ABCA8: variants seen among roughly 807,000 people sequenced by gnomAD.
The protein encoded by ABCA8 is ATP binding cassette subfamily A member 8, also known as ABC-type organic anion transporter ABCA8.
ABCA8 carries 177 observed loss-of-function variants against 192.3 expected under a neutral mutation model. The ratio of observed to expected loss-of-function variants is 0.92; its 90% CI spans 0.81 to 1.04. The LOEUF (loss-of-function observed/expected upper bound fraction) is 1.04. Ranked by LOEUF, ABCA8 falls within the 50% of genes least tolerant of loss-of-function variation. The pLI is 0.00. For missense variants in ABCA8, 1,915 were observed against 1,904.8 expected (o/e 1.01, Z -0.10); for synonymous variants, 642 against 690.2 (o/e 0.93, Z 1.09).
rs369130116 is a variant in ABCA8, at chr17:68,894,976, G to A, written c.2802C>T (p.His934=). 2.1e-5 allele frequency: 34 copies of A among 1,613,316 alleles called. No homozygotes were observed. Among genetic ancestry groups the A allele is most frequent in the African/African-American group, 2.7e-5 (2 of 74,830 alleles). Residue 934 remains histidine, a synonymous_variant, in exon 22 of 40, where the codon CAC becomes CAT. Coordinates refer to ENST00000586539, the MANE Select transcript of ABCA8 (RefSeq NM_001288985.2). ...SIDDFIQSVE[H]QNIALEVDAF... is the part of the protein sequence containing the mutation. Reference sequence around the variant, plus strand: ...CATCCACTTCTAAAGCTATGTTCTGGTGCTCCACAGACTGTATAAAGTCAT... The same window carrying A: ...CATCCACTTCTAAAGCTATGTTCTGATGCTCCACAGACTGTATAAAGTCAT...
intron 24 of ABCA8, 99 bp downstream of exon 24, chr17:68,891,390 T>G (rs1598208276): frequency 2.6e-6 from 2 of 766,288 alleles, no homozygotes. Context: ...GAATTGGCTG[T>G]TCAATTAAGC....
rs559149490 is a variant in ABCA8 at position 68,907,934 on chromosome 17, G to T, written c.2139-55C>A. The T allele has an allele frequency of 6.2e-6, 9 of 1,453,248 alleles. 1 individual carries two copies. The African/African-American group carries it at 1.2e-4, about 19-fold the overall frequency. 90.0% of individuals were successfully genotyped at this position (1,453,248 alleles called of 1,614,324 possible). ...ATGTTACTCGACATAGTCTCCAATA[G>T]CAAGAAAATAATTAACTAGTCTCTA... On this transcript the variant is annotated intron_variant, in intron 17 of 39. Transcript: ENST00000586539.
In ABCA8 at chr17:68,887,520, A is replaced by G. The variant is rs201168458; in HGVS notation, c.3145-14T>C. 3,027 of 1,579,250 alleles carry G rather than the reference A, an allele frequency of 1.9e-3. 5 individuals carry two copies. Among genetic ancestry groups the G allele is most frequent in the Non-Finnish European group, 2.3e-3 (2,669 of 1,166,016 alleles). ...CCGAGCTCTGTTCTAATTAGGAGAC[A>G]GCAAAGATACAAAGTTTGTGGCTTA... is the stretch of plus-strand genomic sequence containing the variant. On this transcript the variant is annotated splice_polypyrimidine_tract_variant and intron_variant, in intron 24 of 39. Transcript: ENST00000586539.
At chr17:68,922,040 A>G (rs1003554445) in intron 12 of ABCA8, among the ~76,000 whole-genome samples, 10 of 151,954 alleles carry the variant, frequency 6.6e-5, no homozygotes, top group African/African-American at 2.4e-4. Flanking sequence ...TAACTTTTAT[A>G]AAGTAGAAGC....
In ABCA8 at chr17:68,940,799, T is replaced by G. The variant is rs2068203759; in HGVS notation, c.260A>C (p.Gln87Pro). The G allele has an allele frequency of 1.9e-5, 30 of 1,613,582 alleles. No homozygotes were observed. The highest frequency in any genetic ancestry group is 2.5e-5 in the Non-Finnish European group (29 of 1,179,584). Residue 87 changes from glutamine to proline, a missense_variant, in exon 4 of 40, where the codon CAA becomes CCA. By Grantham distance (76) the Gln-to-Pro change is moderately conservative (BLOSUM62 -1). Transcript: ENST00000586539. Reference protein sequence around the residue: ...VVYTPVTNTTQQIMNKVASTP... With the variant: ...VVYTPVTNTTPQIMNKVASTP... ...AGAGGCTACTTTATTCATTATCTGT[T>G]GGGTCGTGTTGGTGACAGGTGTGTA...
At position 68,894,999 on chromosome 17, in the gene ABCA8, C is replaced by A; in HGVS notation, c.2779G>T (p.Asp927Tyr). The change falls in exon 22 of 40, where the codon GAC becomes TAC. Residue 927 changes from aspartate (D) to tyrosine (Y), a missense_variant. Asp to Tyr is a radical substitution (Grantham distance 160). Transcript: ENST00000586539. ...IINKTGASIDDFIQSVEHQNI... is the reference protein window; with the variant it reads ...IINKTGASIDYFIQSVEHQNI... ...TGGTGCTCCACAGACTGTATAAAGT[C>A]ATCAATGCTTGCCCCTAAGGTGTAG... 1.2e-6 allele frequency: 2 copies of A among 1,607,892 alleles called. No individual in the cohort carries two copies. The highest frequency in any genetic ancestry group is 1.7e-4 in the Middle Eastern group (1 of 6,004).
At chr17:68,869,896 A>T (rs2066003830) in intron 37 of ABCA8, 117 bp from the exon 38 acceptor site, 2 of 693,946 alleles carry the variant, frequency 2.9e-6, no homozygotes, top group East Asian at 5.4e-5. Context: ...AACATTTAAC[A>T]TGAGATCTAC....
At chr17:68,929,832 G>A (rs1289495652) in intron 7 of ABCA8, 130 bp from the exon 8 acceptor site, 1 of 868,690 alleles carries the variant, frequency 1.2e-6, no homozygotes, top group Non-Finnish European at 1.7e-6. Flanking sequence ...TTTATTTATT[G>A]GGTGTTCTAA....
At chr17:68,907,667 T>C (rs2067108219) in intron 18 of ABCA8, 73 bp downstream of exon 18, 1 of 1,319,340 alleles carries the variant, frequency 7.6e-7, no homozygotes, top group South Asian at 1.9e-5. Flanking sequence ...TAAATGTTAG[T>C]TGTAATGATA....
At chr17:68,939,266 A>G (rs759331526) in intron 4 of ABCA8, among the ~76,000 whole-genome samples, 1 of 152,162 alleles carries the variant, frequency 6.6e-6, no homozygotes, top group African/African-American at 2.4e-5. Flanking sequence ...GTTGTAAAGG[A>G]CATATGTTGT....
chr17:68,883,250 A>C (rs746875977), intron 29 of ABCA8, among the ~76,000 whole-genome samples: 11 of 152,182 alleles, frequency 7.2e-5, no homozygotes, highest in Non-Finnish European at 8.8e-5. Context: ...CTCCCATCCA[A>C]CTTTCTGTAA....
intron 21 of ABCA8, among the ~76,000 whole-genome samples, chr17:68,901,486 C>T (rs1287260179): frequency 6.6e-6 from 1 of 152,120 alleles, no homozygotes; most frequent in Non-Finnish European, 1.5e-5. Context: ...TGTTGGCAAG[C>T]ATACGTAGAA....
intron 12 of ABCA8, among the ~76,000 whole-genome samples, 199 bp downstream of exon 12, chr17:68,922,043 G>A (rs1035003061): frequency 2.6e-5 from 4 of 151,378 alleles, no homozygotes; most frequent in African/African-American, 9.7e-5. Context: ...CTTTTATAAA[G>A]TAGAAGCAAT....
In ABCA8 at chr17:68,876,302, A is replaced by G. The variant is rs997646325; in HGVS notation, c.4370+158T>C. On this transcript the variant is annotated intron_variant, in intron 35 of 39. Transcript: ENST00000586539. ...GGTTGTAAAATATCATCAGGGAAAG[A>G]TCTTTTTTTTTTGCAAAGTATTGGT... The G allele has an allele frequency of 6.4e-5, 51 of 791,102 alleles. No individual in the cohort carries two copies. In the East Asian group the frequency reaches 1.2e-3, roughly 18 times the overall value. 49.0% of individuals were successfully genotyped at this position (791,102 alleles called of 1,614,324 possible). A position where few individuals can be genotyped will look rare whatever the true frequency, so the allele number is the denominator to read the frequency against.
chr17:68,902,653 T>A (rs2066943769), intron 21 of ABCA8, 60 bp downstream of exon 21: 2 of 1,346,976 alleles, frequency 1.5e-6, no homozygotes, highest in South Asian at 1.8e-5. Flanking sequence ...CATGGTTATG[T>A]TTTCTAAGTA....
rs552291569 is a variant in ABCA8 at position 68,919,408 on chromosome 17, C to A, written c.1681G>T (p.Gly561Ter). 6.2e-7 allele frequency: 1 copy of A among 1,613,808 alleles called. No homozygotes were observed. Among genetic ancestry groups the A allele is most frequent in the African/African-American group, 1.3e-5 (1 of 74,896 alleles). The change falls in exon 14 of 40, where the codon GGA (glycine) becomes TGA (stop). Residue 561 changes from glycine (G) to a stop codon, truncating the protein, a stop_gained. Transcript: ENST00000586539. LOFTEE classifies it high-confidence loss of function. ...ADLENLSKLT[G>*]VCPQSNVQFD... ...TGCACATTGGATTGTGGACAAACTC[C>A]GGTCAGCTTGCTGAGATTTTCTAGG...
intron 23 of ABCA8, among the ~76,000 whole-genome samples, chr17:68,893,834 C>T (rs2066678143): frequency 6.7e-6 from 1 of 149,768 alleles, no homozygotes; most frequent in African/African-American, 2.5e-5. Context: ...GCGCTGCACC[C>T]ACTAACTCGT....
At chr17:68,945,218 ATC>A (rs1374825296) in intron 2 of ABCA8, among the ~76,000 whole-genome samples, 1 of 152,178 alleles carries the variant, frequency 6.6e-6, no homozygotes, top group Non-Finnish European at 1.5e-5. Flanking sequence ...TGTGTAGGGT[ATC>A]TCAGTATTAG....
intron 7 of ABCA8, chr17:68,931,727 G>C (rs1363094625): frequency 7.4e-6 from 1 of 135,378 alleles, no homozygotes; most frequent in Non-Finnish European, 1.6e-5. Flanking sequence ...TCTCTACTTA[G>C]TCCTGTAAAA....
Sources: gnomAD v4.1 joint callset for allele counts (sites outside exome capture counted in the v4.1 genomes callset) on GRCh38, gnomAD v4.1.1 for gene constraint, MANE v1.5 for transcripts, NCBI Gene and HGNC (gene_info 2026-07-23, HGNC 2026-07-21) for gene names.